The following KAT2B variants were observed in gnomAD, a reference collection of about 807,000 sequenced individuals.
KAT2B encodes the protein histone acetyltransferase KAT2B.
Under a neutral mutation model 105.9 loss-of-function variants are expected in KAT2B, and 36 were observed. The observed-to-expected ratio is 0.34, with a 90% CI of 0.26 to 0.45. The LOEUF (loss-of-function observed/expected upper bound fraction) is 0.45. Ranked by LOEUF, KAT2B falls within the 20% of genes least tolerant of loss-of-function variation. KAT2B has a pLI of 1.00. For missense variants in KAT2B, 820 were observed against 1,021.6 expected (o/e 0.80, Z 2.69); for synonymous variants, 397 against 377.9 (o/e 1.05, Z -0.59).
At chr3:20,142,108 C>T (rs988886704) in intron 13 of KAT2B, among the ~76,000 whole-genome samples, 1 of 152,176 alleles carries the variant, frequency 6.6e-6, no homozygotes, top group Non-Finnish European at 1.5e-5. Context: ...GAGCAGGATT[C>T]CCTTGGCAGA....
intron 3 of KAT2B, among the ~76,000 whole-genome samples, chr3:20,099,333 T>A (rs1056687539): frequency 1.3e-5 from 2 of 152,216 alleles, no homozygotes; most frequent in African/African-American, 2.4e-5. Context: ...GTGCCCTAGA[T>A]GATGCGTATG....
chr3:20,089,906 G>A (rs1037490132), intron 2 of KAT2B, among the ~76,000 whole-genome samples: 2 of 151,898 alleles, frequency 1.3e-5, no homozygotes, highest in East Asian at 1.9e-4. Context: ...CAATGCTTTA[G>A]GAGGTGGAAG....
At chr3:20,104,014 C>A (rs1028898388) in intron 5 of KAT2B, among the ~76,000 whole-genome samples, 5 of 152,174 alleles carry the variant, frequency 3.3e-5, no homozygotes, top group Non-Finnish European at 7.3e-5. Context: ...CATCATTTTC[C>A]TCCCATGCAC....
chr3:20,126,545 G>A (rs1699407841), intron 10 of KAT2B, among the ~76,000 whole-genome samples: 1 of 150,984 alleles, frequency 6.6e-6, no homozygotes, highest in African/African-American at 2.4e-5. Flanking sequence ...AAACTAGGCC[G>A]GGCATGGTGG....
intron 3 of KAT2B, among the ~76,000 whole-genome samples, chr3:20,099,241 G>A (rs988155045): frequency 1.9e-4 from 29 of 152,090 alleles, no homozygotes; most frequent in African/African-American, 6.5e-4. Flanking sequence ...TGCATTCTAC[G>A]GATGGAAGGG....
chr3:20,096,909 A>G (rs557661980), intron 3 of KAT2B, among the ~76,000 whole-genome samples: 1 of 151,488 alleles, frequency 6.6e-6, no homozygotes, highest in Admixed American at 6.6e-5. Context: ...TTTGGTAGAT[A>G]TTAAATTTGG....
chr3:20,105,805 A>AG (rs1049106517), intron 5 of KAT2B, among the ~76,000 whole-genome samples: 2 of 151,232 alleles, frequency 1.3e-5, no homozygotes, highest in African/African-American at 2.4e-5. Flanking sequence ...TGTCTGAAAA[A>AG]AAAAAAAAAA....
chr3:20,148,198 G>A, intron 15 of KAT2B, 45 bp from the exon 16 acceptor site: 1 of 1,542,810 alleles, frequency 6.5e-7, no homozygotes, highest in Non-Finnish European at 9.0e-7. Flanking sequence ...TGGCAATAGG[G>A]TAAAACTCTA....
intron 3 of KAT2B, among the ~76,000 whole-genome samples, chr3:20,096,271 G>T (rs763051895): frequency 7.2e-5 from 11 of 152,132 alleles, no homozygotes; most frequent in Non-Finnish European, 1.3e-4. Flanking sequence ...ATTCCCCGTA[G>T]CTGCCTCTTC....
chr3:20,100,036 G>A (rs1451922161), intron 4 of KAT2B, 82 bp downstream of exon 4: 4 of 744,180 alleles, frequency 5.4e-6, no homozygotes, highest in East Asian at 2.6e-5. Context: ...CTCTATCTAC[G>A]GCTTCCCTCC....
In KAT2B at chr3:20,122,864, C is replaced by T. The variant is rs979990403; in HGVS notation, c.1413+60C>T. ...ACCTCTTCTGCTCTCCTGGCCACTC[C>T]AGCTGTCAGAAGTGGGGATGCTAAT... On this transcript the variant is annotated intron_variant, in intron 9 of 17. Transcript: ENST00000263754. 4.5e-6 allele frequency: 7 copies of T among 1,540,220 alleles called. No individual in the cohort carries two copies. The African/African-American group carries it at 5.5e-5, about 12-fold the overall frequency.
chr3:20,127,325 C>T, intron 10 of KAT2B, 98 bp from the exon 11 acceptor site: 1 of 1,047,012 alleles, frequency 9.6e-7, no homozygotes, highest in South Asian at 1.5e-5. Context: ...AAACTTAGGA[C>T]ATGTCCCTCT....
chr3:20,049,436 C>G (rs1697875521), intron 1 of KAT2B, among the ~76,000 whole-genome samples: 1 of 152,138 alleles, frequency 6.6e-6, no homozygotes. Flanking sequence ...TAGCAGGGAA[C>G]TGAGACTCAA....
intron 1 of KAT2B, among the ~76,000 whole-genome samples, chr3:20,062,860 A>G (rs1296325451): frequency 6.6e-6 from 1 of 152,066 alleles, no homozygotes; most frequent in Non-Finnish European, 1.5e-5. Flanking sequence ...TCCTTTGCCC[A>G]TTGTAAAATT....
At position 20,072,479 on chromosome 3, in the gene KAT2B, A is replaced by T; in HGVS notation, c.430+20A>T. ...CCCTAGGTGAGTTCCTAAATCTTCA[A>T]GGAAAGTATAACGAGTTCATTGTAG... On this transcript the variant is annotated intron_variant, in intron 2 of 17. Coordinates refer to ENST00000263754, the MANE Select transcript of KAT2B (RefSeq NM_003884.5). The T allele has an allele frequency of 1.2e-6, 2 of 1,611,314 alleles. No individual in the cohort carries two copies. The highest frequency in any genetic ancestry group is 8.5e-7 in the Non-Finnish European group (1 of 1,177,568).
chr3:20,131,675 C>T (rs949665046), intron 11 of KAT2B, among the ~76,000 whole-genome samples: 2 of 152,088 alleles, frequency 1.3e-5, no homozygotes, highest in Non-Finnish European at 2.9e-5. Context: ...TCAGGTAATC[C>T]TCCTACCTCA....
At chr3:20,128,726 A>G (rs1699454512) in intron 11 of KAT2B, among the ~76,000 whole-genome samples, 1 of 152,082 alleles carries the variant, frequency 6.6e-6, no homozygotes, top group African/African-American at 2.4e-5. Flanking sequence ...TTATTCATTT[A>G]GGGCTGGGCA....
chr3:20,138,036 A>G (rs1461152650), intron 12 of KAT2B, among the ~76,000 whole-genome samples: 2 of 152,206 alleles, frequency 1.3e-5, no homozygotes, highest in African/African-American at 2.4e-5. Context: ...CTTTGACTGC[A>G]TATTATTTTT....
chr3:20,112,325 A>T (rs140365734), intron 6 of KAT2B, among the ~76,000 whole-genome samples: 2 of 152,296 alleles, frequency 1.3e-5, no homozygotes, highest in Admixed American at 1.3e-4. Context: ...ATGAACCTCT[A>T]TACTAAATTT....
Sources: gnomAD v4.1 joint callset for allele counts (sites outside exome capture counted in the v4.1 genomes callset) on GRCh38, gnomAD v4.1.1 for gene constraint, MANE v1.5 for transcripts, NCBI Gene and HGNC (gene_info 2026-07-23, HGNC 2026-07-21) for gene names.